PLEKHA1: variants seen among roughly 807,000 people sequenced by gnomAD.
PLEKHA1 encodes the protein pleckstrin homology domain containing A1, also known as pleckstrin homology domain-containing family A member 1.
PLEKHA1 carries 34 observed loss-of-function variants against 52.0 expected under a neutral mutation model. The observed-to-expected ratio is 0.65, with a 90% CI of 0.50 to 0.87. The LOEUF (loss-of-function observed/expected upper bound fraction) is 0.87, where lower values mean the gene tolerates loss of function less well. PLEKHA1 is among the 40% of genes least tolerant of loss of function. PLEKHA1 has a pLI of 0.00. For synonymous variants in PLEKHA1, 163 were observed against 170.7 expected, an observed-to-expected ratio of 0.95 and a Z score of 0.35; for missense variants, 497 against 504.2, an observed-to-expected ratio of 0.99 and a Z score of 0.14.
the PLEKHA1 span, chr10:122,441,956 T>A: frequency 6.6e-6 from 1 of 152,242 alleles, no homozygotes; most frequent in Non-Finnish European, 1.5e-5. Context: ...CAGGGGACAC[T>A]GAGTAACGTG....
chr10:122,417,688 T>C (rs1276231193), intron 7 of PLEKHA1, among the ~76,000 whole-genome samples: 3 of 147,188 alleles, frequency 2.0e-5, no homozygotes, highest in Non-Finnish European at 4.5e-5. Flanking sequence ...CAATAAAAGA[T>C]GAAAGCCAGG....
intron 10 of PLEKHA1, chr10:122,425,856 G>A (rs2097331531): frequency 6.6e-6 from 1 of 151,950 alleles, no homozygotes. Context: ...CCCACATTGA[G>A]GCAACCATTC....
At position 122,429,894 on chromosome 10, in the gene PLEKHA1, C is replaced by A; in HGVS notation, c.1171C>A (p.Leu391Ile). 6.2e-7 allele frequency: 1 copy of A among 1,614,084 alleles called. No individual in the cohort carries two copies. The highest frequency in any genetic ancestry group is 1.1e-5 in the South Asian group (1 of 91,078). Residue 391 changes from leucine to isoleucine, a missense_variant, in exon 12 of 12, where the codon CTA (leucine) becomes ATA (isoleucine). Transcript: ENST00000368990. ...KNGPQEKDCD[L>I]VDLDDASLPV... is the part of the protein sequence containing the mutation. Reference sequence around the variant, plus strand: ...TGGCCCTCAGGAAAAAGATTGTGACCTAGTAGACTTGGACGATGCGAGCCT... The same window carrying A: ...TGGCCCTCAGGAAAAAGATTGTGACATAGTAGACTTGGACGATGCGAGCCT...
intron 1 of PLEKHA1, among the ~76,000 whole-genome samples, chr10:122,376,480 T>C (rs966082217): frequency 1.4e-5 from 2 of 148,104 alleles, no homozygotes; most frequent in African/African-American, 5.0e-5. Context: ...TATATGGCTG[T>C]GAATTTAGTG....
chr10:122,375,154 G>C (rs139101261), intron 1 of PLEKHA1, among the ~76,000 whole-genome samples: 7,787 of 151,900 alleles, frequency 0.051, 244 homozygotes, highest in East Asian at 0.11. Context: ...GGAGGCCCGC[G>C]GCGGTCGCGG....
At chr10:122,394,092 T>TTTTTTTTTTTTG in intron 2 of PLEKHA1, among the ~76,000 whole-genome samples, 1 of 110,676 alleles carries the variant, frequency 9.0e-6, no homozygotes. Flanking sequence ...TTTTTTTTTT[T>TTTTTTTTTTTTG]TTTGAGATGG....
At chr10:122,400,749 T>C (rs2096916699) in intron 4 of PLEKHA1, among the ~76,000 whole-genome samples, 1 of 152,230 alleles carries the variant, frequency 6.6e-6, no homozygotes, top group African/African-American at 2.4e-5. Flanking sequence ...CTTTAGCTTT[T>C]GGGTAGTGAG....
rs1315864130 is a variant in PLEKHA1, at chr10:122,399,657, A to G, written c.199-686A>G. On this transcript the variant is annotated intron_variant, in intron 3 of 11. Coordinates refer to ENST00000368990, the MANE Select transcript of PLEKHA1 (RefSeq NM_001001974.4). The stretch of plus-strand genomic sequence containing the variant: ...GAGTGCAGTGGCGCGATCTCGGCTC[A>G]CTGCAAGCTCCGTCCCCTGGGTTCA... Among the ~76,000 whole-genome samples the G allele has an allele frequency of 2.6e-5, 4 of 152,106 alleles. No individual in the cohort carries two copies. The East Asian group carries it at 7.7e-4, about 29-fold the overall frequency.
chr10:122,424,176 T>TTC lies in PLEKHA1; in HGVS notation c.682-22_682-21insCT. ...AGAATAAACATCATGTAACTGTTTT[T>TTC]TTTTTTTTTTTTTTTTTGCCAGGAA... On this transcript the variant is annotated intron_variant, in intron 8 of 11. Coordinates refer to ENST00000368990, the MANE Select transcript of PLEKHA1 (RefSeq NM_001001974.4). The TTC allele has an allele frequency of 3.1e-6, 4 of 1,288,046 alleles. No individual in the cohort carries two copies. The East Asian group carries it at 8.8e-5, about 28-fold the overall frequency. 79.8% of individuals were successfully genotyped at this position (1,288,046 alleles called of 1,614,324 possible). A position where few individuals can be genotyped will look rare whatever the true frequency, so the allele number is the denominator to read the frequency against.
At chr10:122,435,402 G>A (rs2097434261), downstream of PLEKHA1, 1 of 152,124 alleles carries the variant, frequency 6.6e-6, no homozygotes, top group South Asian at 2.1e-4. Flanking sequence ...CCTTACTGTG[G>A]TATATTCATG....
intron 1 of PLEKHA1, among the ~76,000 whole-genome samples, chr10:122,383,806 T>C (rs910784012): frequency 2.0e-5 from 3 of 152,214 alleles, no homozygotes; most frequent in African/African-American, 7.2e-5. Flanking sequence ...TTTGTTTTTA[T>C]TTTTAAAGAA....
intron 5 of PLEKHA1, among the ~76,000 whole-genome samples, chr10:122,408,302 C>A (rs1162394431): frequency 6.6e-6 from 1 of 152,042 alleles, no homozygotes; most frequent in Non-Finnish European, 1.5e-5. Context: ...TCTTGAATTG[C>A]TATGTCTGAT....
rs536791316 is a variant in PLEKHA1, at chr10:122,393,783, A to G, written c.141+442A>G. Among the ~76,000 whole-genome samples, 1 of 152,316 alleles carries G rather than the reference A, an allele frequency of 6.6e-6. No individual in the cohort carries two copies. The highest frequency in any genetic ancestry group is 2.1e-4 in the South Asian group (1 of 4,828). ...ACCAGGGTCCCTTTAGTGAGATTAA[A>G]TTTAGGTTTAAGATGCTGCATCTAG... On this transcript the variant is annotated intron_variant, in intron 2 of 11. Coordinates refer to ENST00000368990, the MANE Select transcript of PLEKHA1 (RefSeq NM_001001974.4). This position sits in a 1 kb window ranked among gnomAD's most constrained non-coding sequence, Gnocchi z 4.5.
chr10:122,392,735 CAT>C (rs1003934822), intron 1 of PLEKHA1, among the ~76,000 whole-genome samples: 1 of 152,114 alleles, frequency 6.6e-6, no homozygotes, highest in Non-Finnish European at 1.5e-5. Flanking sequence ...AAAGAGTTAA[CAT>C]ATGGAAAAGA....
chr10:122,395,354 T>G (rs79072796), intron 2 of PLEKHA1, among the ~76,000 whole-genome samples: 1 of 152,188 alleles, frequency 6.6e-6, no homozygotes, highest in African/African-American at 2.4e-5. Context: ...TTAGGAAATC[T>G]TGATTCTGCC....
chr10:122,376,036 A>G (rs780174754), intron 1 of PLEKHA1, among the ~76,000 whole-genome samples: 4 of 152,164 alleles, frequency 2.6e-5, no homozygotes, highest in East Asian at 1.9e-4. Flanking sequence ...TATTTTCCCA[A>G]GTACTCAGCT....
chr10:122,384,815 G>A (rs998830667), intron 1 of PLEKHA1, among the ~76,000 whole-genome samples: 3 of 151,944 alleles, frequency 2.0e-5, no homozygotes, highest in Admixed American at 6.5e-5. Flanking sequence ...TTAGCCGGGT[G>A]GTAGTGGCTC....
chr10:122,438,025 G>A, the PLEKHA1 span: 1 of 152,354 alleles, frequency 6.6e-6, no homozygotes, highest in Non-Finnish European at 1.5e-5. Flanking sequence ...GGAGGTCTAG[G>A]TGGGAGAATA....
At chr10:122,376,112 T>C (rs1409018736) in intron 1 of PLEKHA1, among the ~76,000 whole-genome samples, 1 of 152,230 alleles carries the variant, frequency 6.6e-6, no homozygotes, top group Non-Finnish European at 1.5e-5. Flanking sequence ...GTAAGAGTTA[T>C]GTGATTGTTT....
Sources: allele counts gnomAD v4.1 joint callset (sites outside exome capture counted in the v4.1 genomes callset), GRCh38; gene constraint gnomAD v4.1.1; non-coding constraint Gnocchi (gnomAD v3.1); transcripts MANE v1.5; gene names NCBI Gene and HGNC (gene_info 2026-07-23, HGNC 2026-07-21).